Variants in PDE3B observed in about 807,000 individuals in gnomAD.
PDE3B encodes phosphodiesterase 3B.
A neutral mutation model predicts 116.8 loss-of-function variants in PDE3B; 66 were observed. The ratio of observed to expected loss-of-function variants is 0.56; its 90% CI spans 0.46 to 0.69. PDE3B has a LOEUF of 0.69. PDE3B is among the 30% of genes least tolerant of loss of function. PDE3B has a pLI of 0.00. For synonymous variants in PDE3B, 595 were observed against 533.6 expected (o/e 1.12, Z -1.59); for missense variants, 1,384 against 1,368.1 (o/e 1.01, Z -0.18).
chr11:14,712,517 T>A (rs192419015), intron 1 of PDE3B, among the ~76,000 whole-genome samples: 1 of 125,832 alleles, frequency 7.9e-6, no homozygotes, highest in African/African-American at 2.9e-5. Context: ...TCCTGTTGCC[T>A]GTGCTGGAGT....
At chr11:14,889,730 TA>T in the PDE3B span, among the ~76,000 whole-genome samples, 1 of 152,222 alleles carries the variant, frequency 6.6e-6, no homozygotes, top group Non-Finnish European at 1.5e-5. Flanking sequence ...CAAATATTTA[TA>T]TAAGAAAAGC....
intron 1 of PDE3B, among the ~76,000 whole-genome samples, chr11:14,663,942 C>G (rs1194042643): frequency 1.3e-5 from 2 of 152,122 alleles, no homozygotes; most frequent in African/African-American, 4.8e-5. Flanking sequence ...GAACTCTCCA[C>G]CCCAAATCAA....
chr11:14,743,899 T>C (rs1856838088), intron 1 of PDE3B, among the ~76,000 whole-genome samples: 1 of 152,202 alleles, frequency 6.6e-6, no homozygotes, highest in Admixed American at 6.5e-5. Flanking sequence ...ACCCACTGTC[T>C]AACCAGTCCC....
chr11:14,797,964 C>T (rs1858609244), intron 4 of PDE3B, among the ~76,000 whole-genome samples: 1 of 152,210 alleles, frequency 6.6e-6, no homozygotes, highest in South Asian at 2.1e-4. Flanking sequence ...CTTCCACTAC[C>T]ATGATGAATA....
At chr11:14,753,853 A>G (rs1435560291) in intron 1 of PDE3B, among the ~76,000 whole-genome samples, 1 of 152,106 alleles carries the variant, frequency 6.6e-6, no homozygotes, top group East Asian at 1.9e-4. Context: ...AGATGATTAA[A>G]TAGTGTTTTG....
chr11:14,855,431 C>G (rs782804777), intron 12 of PDE3B, among the ~76,000 whole-genome samples: 1 of 151,804 alleles, frequency 6.6e-6, no homozygotes, highest in Non-Finnish European at 1.5e-5. Context: ...ATTTTAGCAA[C>G]AATAGATGCT....
downstream of PDE3B, among the ~76,000 whole-genome samples, chr11:14,875,029 G>C (rs1033282377): frequency 6.6e-6 from 1 of 152,006 alleles, no homozygotes; most frequent in Admixed American, 6.6e-5. Flanking sequence ...CATCTCCTTG[G>C]CATAGGAACC....
chr11:14,667,963 G>A (rs1314014135), intron 1 of PDE3B, among the ~76,000 whole-genome samples: 2 of 151,366 alleles, frequency 1.3e-5, no homozygotes, highest in African/African-American at 2.4e-5. Flanking sequence ...CTTTGCTGAA[G>A]TATTTAAATA....
chr11:14,714,232 G>GTA (rs112089665), intron 1 of PDE3B, among the ~76,000 whole-genome samples: 17,323 of 151,948 alleles, frequency 0.11, 1,300 homozygotes, highest in African/African-American at 0.22. Flanking sequence ...GTATAAATGT[G>GTA]TATATATATG....
intron 1 of PDE3B, among the ~76,000 whole-genome samples, chr11:14,713,802 A>G (rs914553123): frequency 1.3e-5 from 2 of 152,178 alleles, no homozygotes; most frequent in African/African-American, 4.8e-5. Flanking sequence ...GGCATCACAG[A>G]GGAGGTGGAA....
chr11:14,668,224 G>A (rs1469644653), intron 1 of PDE3B, among the ~76,000 whole-genome samples: 4 of 152,020 alleles, frequency 2.6e-5, no homozygotes, highest in Non-Finnish European at 5.9e-5. Context: ...TCCTACTTAA[G>A]CTCAATATTT....
At chr11:14,738,914 A>G (rs1228774370) in intron 1 of PDE3B, among the ~76,000 whole-genome samples, 2 of 152,118 alleles carry the variant, frequency 1.3e-5, no homozygotes, top group East Asian at 3.9e-4. Context: ...ATGGTTGCAG[A>G]TATATGGTAT....
At chr11:14,884,414 C>T in the PDE3B span, among the ~76,000 whole-genome samples, 2 of 151,698 alleles carry the variant, frequency 1.3e-5, no homozygotes, top group South Asian at 4.2e-4. Flanking sequence ...TCATCATTCT[C>T]AGTAAACTAT....
At chr11:14,886,345 T>C in the PDE3B span, 1 of 175,268 alleles carries the variant, frequency 5.7e-6, no homozygotes, top group South Asian at 1.3e-4. Flanking sequence ...TCTCCTTCTA[T>C]TTCCAAGATG....
the PDE3B span, among the ~76,000 whole-genome samples, chr11:14,897,662 G>A: frequency 6.6e-6 from 1 of 152,122 alleles, no homozygotes. Flanking sequence ...ATTTCTCTGG[G>A]GTTTTAGAGA....
intron 1 of PDE3B, among the ~76,000 whole-genome samples, chr11:14,676,426 A>G (rs1417443461): frequency 6.6e-6 from 1 of 152,162 alleles, no homozygotes; most frequent in Admixed American, 6.5e-5. Context: ...ACACAATGCT[A>G]AGTATTTGTA....
chr11:14,687,971 A>G (rs1854923460), intron 1 of PDE3B, among the ~76,000 whole-genome samples: 1 of 152,094 alleles, frequency 6.6e-6, no homozygotes, highest in Non-Finnish European at 1.5e-5. Flanking sequence ...AACATAGGAG[A>G]TATTTTCTTT....
At chr11:14,649,287 C>T (rs554329909) in intron 1 of PDE3B, among the ~76,000 whole-genome samples, 9 of 151,790 alleles carry the variant, frequency 5.9e-5, no homozygotes, top group South Asian at 2.1e-4. Context: ...TTATTCTTGC[C>T]GAAAAAGCCT....
the PDE3B span, among the ~76,000 whole-genome samples, chr11:14,897,083 G>A: frequency 6.6e-6 from 1 of 152,214 alleles, no homozygotes; most frequent in Non-Finnish European, 1.5e-5. Flanking sequence ...AGCATCATGT[G>A]TATGACAACA....
Sources: allele counts gnomAD v4.1 joint callset (sites outside exome capture counted in the v4.1 genomes callset), GRCh38; gene constraint gnomAD v4.1.1; transcripts MANE v1.5; gene names NCBI Gene and HGNC (gene_info 2026-07-23, HGNC 2026-07-21).